The following ADAMTSL2 variants were observed in gnomAD, a reference collection of about 807,000 sequenced individuals.
ADAMTSL2 encodes the protein ADAMTS like 2.
ADAMTSL2 carries 55 observed loss-of-function variants against 117.0 expected under a neutral mutation model. The ratio of observed to expected loss-of-function variants is 0.47; its 90% CI spans 0.38 to 0.59. The LOEUF (loss-of-function observed/expected upper bound fraction) is 0.59. ADAMTSL2 is among the 20% of genes least tolerant of loss of function. The probability of loss-of-function intolerance (pLI) is 0.00; values close to 1 mark genes in which losing one functional copy is unlikely to be tolerated. For missense variants in ADAMTSL2, 1,182 were observed against 1,354.5 expected (o/e 0.87, Z 2.00); for synonymous variants, 572 against 566.4 (o/e 1.01, Z -0.14).
At chr9:133,532,478 T>C (rs1045343358), upstream of ADAMTSL2, 1 of 152,278 alleles carries the variant, frequency 6.6e-6, no homozygotes. Flanking sequence ...ATTATAGGCA[T>C]GAGCCACTGC....
intron 12 of ADAMTSL2, among the ~76,000 whole-genome samples, chr9:133,564,592 GA>G (rs1830903666): frequency 8.5e-5 from 8 of 93,686 alleles, no homozygotes; most frequent in East Asian, 3.2e-4. Flanking sequence ...AGGAGAGAGA[GA>G]GGGGGAGAGA....
rs1412659047 is a variant in ADAMTSL2, at chr9:133,565,874, C to CAT, written c.1748-1061_1748-1060insTA. ...ACACACACACACACACACACACACA[C>CAT]AGCCACAGCAGAAGCAGCAAACCCT... On this transcript the variant is annotated intron_variant, in intron 12 of 18. Transcript: ENST00000651351. Among the ~76,000 whole-genome samples the CAT allele has an allele frequency of 2.6e-3, 391 of 151,952 alleles. 2 individuals carry two copies. Among genetic ancestry groups the CAT allele is most frequent in the African/African-American group, 8.8e-3 (365 of 41,440 alleles).
intron 12 of ADAMTSL2, 30 bp downstream of exon 12, chr9:133,561,325 A>C: frequency 6.5e-7 from 1 of 1,543,418 alleles, no homozygotes; most frequent in South Asian, 1.2e-5. Flanking sequence ...AGGGGCAGCA[A>C]CTGCCCTGAA....
intron 1 of ADAMTSL2, 61 bp from the exon 2 acceptor site, chr9:133,536,502 A>G (rs1830055133): frequency 8.0e-6 from 12 of 1,493,078 alleles, no homozygotes; most frequent in Non-Finnish European, 1.1e-5. Flanking sequence ...ATTACTAATC[A>G]TTCACCAAGC....
chr9:133,539,372 C>T (rs555011839), intron 4 of ADAMTSL2, among the ~76,000 whole-genome samples: 3 of 152,340 alleles, frequency 2.0e-5, no homozygotes, highest in Non-Finnish European at 2.9e-5. Flanking sequence ...TGCATGGCCA[C>T]GGACCGTGTG....
At chr9:133,564,183 G>A (rs751041645) in intron 12 of ADAMTSL2, among the ~76,000 whole-genome samples, 290 of 4,714 alleles carry the variant, frequency 0.062, 43 homozygotes, top group Middle Eastern at 0.25. Flanking sequence ...AGAGAGAGAG[G>A]GAGAGAGAGA....
intron 8 of ADAMTSL2, among the ~76,000 whole-genome samples, chr9:133,545,357 C>G (rs76327511): frequency 1.2e-3 from 177 of 152,352 alleles, no homozygotes; most frequent in African/African-American, 4.2e-3. Flanking sequence ...CTGCCTCCCA[C>G]TCTTCTTGAG....
At chr9:133,547,888 G>A (rs573615452) in intron 9 of ADAMTSL2, among the ~76,000 whole-genome samples, 24 of 152,310 alleles carry the variant, frequency 1.6e-4, no homozygotes, top group African/African-American at 5.1e-4. Flanking sequence ...TGTTATGCCC[G>A]ACTTGCCACA....
chr9:133,574,866 C>T lies in ADAMTSL2; in HGVS notation c.*2C>T. 6.3e-7 allele frequency: 1 copy of T among 1,588,834 alleles called. No homozygotes were observed. Among genetic ancestry groups the T allele is most frequent in the Non-Finnish European group, 8.6e-7 (1 of 1,161,404 alleles). On this transcript the variant is annotated 3_prime_UTR_variant, in exon 19 of 19. Coordinates refer to ENST00000651351, the MANE Select transcript of ADAMTSL2 (RefSeq NM_014694.4). Reference sequence around the variant, plus strand: ...TCCTGCAGGCCCCCCCACTCCTAGGCCCGGCAGCTGCAGCCCCTTCCAGAT... The same window carrying T: ...TCCTGCAGGCCCCCCCACTCCTAGGTCCGGCAGCTGCAGCCCCTTCCAGAT...
intron 13 of ADAMTSL2, 152 bp from the exon 14 acceptor site, chr9:133,568,121 C>G: frequency 1.2e-6 from 1 of 825,560 alleles, no homozygotes; most frequent in Non-Finnish European, 1.9e-6. Context: ...CCTTGAGCCT[C>G]GACACCCTCC....
chr9:133,561,858 C>T (rs938639744), intron 12 of ADAMTSL2, among the ~76,000 whole-genome samples: 1 of 152,170 alleles, frequency 6.6e-6, no homozygotes, highest in African/African-American at 2.4e-5. Context: ...CGGCCACCAT[C>T]GCCCTGAGAC....
intron 1 of ADAMTSL2, among the ~76,000 whole-genome samples, chr9:133,536,023 C>G (rs893420402): frequency 6.6e-6 from 1 of 152,206 alleles, no homozygotes; most frequent in African/African-American, 2.4e-5. Flanking sequence ...TGCCCTGCCC[C>G]TCCCCCAATT....
At chr9:133,536,420 G>A in intron 1 of ADAMTSL2, 143 bp from the exon 2 acceptor site, 2 of 1,242,294 alleles carry the variant, frequency 1.6e-6, no homozygotes, top group Admixed American at 2.8e-5. Context: ...ATGCTTCCCT[G>A]CATGCCCTTG....
intron 13 of ADAMTSL2, 68 bp from the exon 14 acceptor site, chr9:133,568,205 G>T: frequency 6.8e-7 from 1 of 1,480,834 alleles, no homozygotes; most frequent in Non-Finnish European, 9.1e-7. Context: ...TGTCTCTGGG[G>T]GTGTGGGTTG....
Position 133,547,195 on chromosome 9 carries a change from C to G in ADAMTSL2, c.921C>G (p.Asn307Lys). 1 of 1,613,552 alleles carries G rather than the reference C, an allele frequency of 6.2e-7. No homozygotes were observed. Among genetic ancestry groups the G allele is most frequent in the South Asian group, 1.1e-5 (1 of 91,062 alleles). The change falls in exon 9 of 19, where the codon AAC becomes AAG. Residue 307 changes from asparagine (N) to lysine (K), a missense_variant. Physicochemically the swap from Asn to Lys is moderately conservative, Grantham distance 94. Coordinates refer to ENST00000651351, the MANE Select transcript of ADAMTSL2 (RefSeq NM_014694.4). ...ACATCGTGGCACAGGGGCCCACCAA[C>G]CAGGGCCTGAATGTCATGGTACGTG... ...IEYIVAQGPT[N>K]QGLNVMVWNQ...
In ADAMTSL2 at chr9:133,554,215, G is replaced by A; in HGVS notation, c.940-142G>A. The stretch of plus-strand genomic sequence containing the variant: ...GGGGCAGGAGCACTGCGTTGGGCTG[G>A]GCTAGTCAGTGTCATTCCCTGAGGG... On this transcript the variant is annotated intron_variant, in intron 9 of 18. Transcript: ENST00000651351. The surrounding 1 kb of genome is among the most constrained non-coding windows in gnomAD (Gnocchi z 5.2). The A allele has an allele frequency of 1.3e-6, 1 of 765,382 alleles. No individual in the cohort carries two copies. Among genetic ancestry groups the A allele is most frequent in the East Asian group, 2.7e-5 (1 of 36,778 alleles). 47.4% of individuals were successfully genotyped at this position (765,382 alleles called of 1,614,324 possible).
chr9:133,533,783 T>TG (rs1302715336), upstream of ADAMTSL2, among the ~76,000 whole-genome samples: 6 of 152,084 alleles, frequency 3.9e-5, no homozygotes, highest in Non-Finnish European at 4.4e-5. Context: ...GGCAGGGGCA[T>TG]GGATGAAAAG....
intron 12 of ADAMTSL2, among the ~76,000 whole-genome samples, chr9:133,564,649 G>GA (rs1830914540): frequency 3.6e-5 from 1 of 27,800 alleles, no homozygotes; most frequent in Non-Finnish European, 7.8e-5. Context: ...AGGGAGAGAG[G>GA]GAGAGAGGGA....
upstream of ADAMTSL2, among the ~76,000 whole-genome samples, chr9:133,533,160 T>C (rs968739879): frequency 8.7e-6 from 1 of 115,008 alleles, no homozygotes; most frequent in Admixed American, 8.4e-5. Context: ...GGTGTGTGTG[T>C]GCCTGTGTGT....
Sources: gnomAD v4.1 joint callset for allele counts (sites outside exome capture counted in the v4.1 genomes callset) on GRCh38, gnomAD v4.1.1 for gene constraint, Gnocchi (gnomAD v3.1) non-coding constraint, MANE v1.5 for transcripts, NCBI Gene and HGNC (gene_info 2026-07-23, HGNC 2026-07-21) for gene names.